ROR1: variants seen among roughly 807,000 people sequenced by gnomAD.
ROR1 encodes ROR family WNT receptor 1, also known as inactive tyrosine-protein kinase transmembrane receptor ROR1.
In ROR1, 19 loss-of-function variants were observed where a neutral mutation model predicts 78.8. The ratio of observed to expected loss-of-function variants is 0.24; its 90% CI spans 0.17 to 0.35. ROR1 has a LOEUF of 0.35. ROR1 is among the 10% of genes least tolerant of loss of function. The pLI is 1.00. For synonymous variants in ROR1, 386 were observed against 433.6 expected (o/e 0.89, Z 1.36); for missense variants, 917 against 1,177.8 (o/e 0.78, Z 3.24).
Position 64,179,048 on chromosome 1 carries a change from A to C in ROR1, c.*193A>C, listed in dbSNP as rs1650479931. On this transcript the variant is annotated 3_prime_UTR_variant, in exon 9 of 9. Coordinates refer to ENST00000371079, the MANE Select transcript of ROR1 (RefSeq NM_005012.4). ...AGAAAAAAAAAAAAAAAAAAAAAAC[A>C]AGCAAACAAAAACATTGTGGGATGT... is the stretch of plus-strand genomic sequence containing the variant. 4.0e-6 allele frequency: 2 copies of C among 504,908 alleles called. No homozygotes were observed. The highest frequency in any genetic ancestry group is 3.4e-6 in the Non-Finnish European group (1 of 294,132). The allele number at this position is 504,908 out of a possible 1,614,324, so 31.3% of individuals were successfully genotyped here. A position where few individuals can be genotyped will look rare whatever the true frequency, so the allele number is the denominator to read the frequency against.
At chr1:63,941,085 G>C (rs1403377672) in intron 1 of ROR1, among the ~76,000 whole-genome samples, 1 of 152,170 alleles carries the variant, frequency 6.6e-6, no homozygotes, top group Non-Finnish European at 1.5e-5. Flanking sequence ...TAAGTTAAAG[G>C]AGACTAAAGA....
chr1:63,856,839 A>T lies in ROR1; in HGVS notation c.91+82331A>T, dbSNP rs191845594. ...TGTCTGAAATAATCCTCCATCCCCA[A>T]TGTTTAAAAACTGCCATCCTTGACT... On this transcript the variant is annotated intron_variant, in intron 1 of 8. Transcript: ENST00000371079. 2.0e-5 allele frequency among the ~76,000 whole-genome samples: 3 copies of T among 152,060 alleles called. 1 individual carries two copies. In the South Asian group the frequency reaches 6.2e-4, roughly 32 times the overall value.
chr1:63,810,634 A>C (rs1644855239), intron 1 of ROR1, among the ~76,000 whole-genome samples: 1 of 152,214 alleles, frequency 6.6e-6, no homozygotes, highest in South Asian at 2.1e-4. Flanking sequence ...CTGGATACTG[A>C]AGGATCTTGA....
intron 1 of ROR1, among the ~76,000 whole-genome samples, chr1:63,818,532 G>T (rs1228425139): frequency 1.3e-5 from 2 of 152,288 alleles, no homozygotes; most frequent in East Asian, 3.9e-4. Flanking sequence ...CTGCCCTTCT[G>T]TTCCTTTGAT....
intron 1 of ROR1, among the ~76,000 whole-genome samples, chr1:63,826,081 ATTATTT>A (rs1417678259): frequency 2.6e-5 from 4 of 152,150 alleles, no homozygotes; most frequent in Non-Finnish European, 4.4e-5. Context: ...CCAGGCACTG[ATTATTT>A]TTATTTTTAT....
At chr1:63,929,491 C>T (rs778979186) in intron 1 of ROR1, among the ~76,000 whole-genome samples, 72 of 152,262 alleles carry the variant, frequency 4.7e-4, no homozygotes, top group Non-Finnish European at 4.4e-4. Flanking sequence ...ATGTGATTGT[C>T]TGCTTCTCTG....
intron 4 of ROR1, among the ~76,000 whole-genome samples, chr1:64,134,839 C>T (rs1649046432): frequency 1.3e-5 from 2 of 150,912 alleles, no homozygotes; most frequent in African/African-American, 4.9e-5. Context: ...ACCTCCACCT[C>T]CTGGGTTCAA....
At chr1:63,919,467 G>T (rs1645636198) in intron 1 of ROR1, among the ~76,000 whole-genome samples, 2 of 146,596 alleles carry the variant, frequency 1.4e-5, no homozygotes, top group African/African-American at 2.5e-5. Context: ...GTTTTCCTAT[G>T]AGCAGTGTTC....
intron 1 of ROR1, among the ~76,000 whole-genome samples, chr1:63,860,120 C>A (rs1286255455): frequency 1.3e-5 from 2 of 152,142 alleles, no homozygotes; most frequent in East Asian, 3.9e-4. Flanking sequence ...TGTTACGATT[C>A]CTGGCACACA....
intron 1 of ROR1, among the ~76,000 whole-genome samples, chr1:63,883,323 G>C (rs1645335622): frequency 6.6e-6 from 1 of 152,050 alleles, no homozygotes; most frequent in Admixed American, 6.6e-5. Context: ...TCTCTTGTTG[G>C]GGCAGGTTTC....
In ROR1 at chr1:64,180,896, A is replaced by AT. The variant is rs1388911066; in HGVS notation, c.*2042dup. The AT allele has an allele frequency of 2.0e-5, 3 of 152,164 alleles. No homozygotes were observed. Among genetic ancestry groups the AT allele is most frequent in the Non-Finnish European group, 4.4e-5 (3 of 67,976 alleles). The allele number at this position is 152,164 out of a possible 1,614,324, so 9.4% of individuals were successfully genotyped here. On this transcript the variant is annotated 3_prime_UTR_variant, in exon 9 of 9. Transcript: ENST00000371079. The stretch of plus-strand genomic sequence containing the variant: ...AAAAGTAAATTCAAGTTAGTTTTTT[A>AT]TAAAGAACTATAACATTTATTTTAA...
chr1:63,828,444 T>C (rs1451486627), intron 1 of ROR1, among the ~76,000 whole-genome samples: 1 of 152,188 alleles, frequency 6.6e-6, no homozygotes, highest in East Asian at 1.9e-4. Flanking sequence ...GTGGCAGCTG[T>C]CACTGTTTAT....
intron 1 of ROR1, among the ~76,000 whole-genome samples, chr1:63,817,871 CT>C (rs57866648): frequency 0.078 from 11,815 of 152,146 alleles, 1,543 homozygotes; most frequent in African/African-American, 0.27. Context: ...GCATTCCTCC[CT>C]CTTGGCAGTA....
At chr1:63,829,883 T>C (rs1644976661) in intron 1 of ROR1, among the ~76,000 whole-genome samples, 1 of 152,048 alleles carries the variant, frequency 6.6e-6, no homozygotes, top group African/African-American at 2.4e-5. Flanking sequence ...CCAAGGAACT[T>C]GAACACAAGC....
intron 1 of ROR1, among the ~76,000 whole-genome samples, chr1:63,966,514 G>A (rs1646076814): frequency 6.6e-6 from 1 of 152,188 alleles, no homozygotes; most frequent in Admixed American, 6.5e-5. Flanking sequence ...ACTACAAAGT[G>A]TTACCTAGTC....
At chr1:64,119,638 CAAA>C (rs11338825) in intron 4 of ROR1, among the ~76,000 whole-genome samples, 236 of 75,476 alleles carry the variant, frequency 3.1e-3, no homozygotes, top group African/African-American at 0.011. Context: ...GGCTCCGTCT[CAAA>C]AAAAAAAAAA....
intron 4 of ROR1, among the ~76,000 whole-genome samples, chr1:64,121,543 G>T (rs897653581): frequency 2.0e-5 from 3 of 152,234 alleles, no homozygotes; most frequent in African/African-American, 7.2e-5. Context: ...ACCCAGCAGT[G>T]GTGTACCAAG....
At chr1:64,026,616 G>T (rs963128811) in intron 2 of ROR1, among the ~76,000 whole-genome samples, 1 of 152,186 alleles carries the variant, frequency 6.6e-6, no homozygotes, top group African/African-American at 2.4e-5. Context: ...AAGAAAGGAG[G>T]TTTAATTGAC....
At chr1:64,002,411 A>AT (rs1039577910) in intron 1 of ROR1, among the ~76,000 whole-genome samples, 3 of 152,192 alleles carry the variant, frequency 2.0e-5, no homozygotes, top group Admixed American at 1.3e-4. Flanking sequence ...GGCGTGAGCC[A>AT]TTGCGCCCGG....
Sources: gnomAD v4.1 joint callset for allele counts (sites outside exome capture counted in the v4.1 genomes callset) on GRCh38, gnomAD v4.1.1 for gene constraint, MANE v1.5 for transcripts, NCBI Gene and HGNC (gene_info 2026-07-23, HGNC 2026-07-21) for gene names.